The following TXK variants were observed in gnomAD, a reference collection of about 807,000 sequenced individuals.
TXK encodes the protein tyrosine-protein kinase TXK.
TXK carries 60 observed loss-of-function variants against 81.0 expected under a neutral mutation model. That is an observed-to-expected ratio of 0.74 (90% confidence interval 0.60 to 0.92). The LOEUF is 0.92. Ranked by LOEUF, TXK falls within the 40% of genes least tolerant of loss-of-function variation. The pLI, the probability that TXK is intolerant of heterozygous loss-of-function variation, is 0.00. For synonymous variants in TXK, 203 were observed against 210.7 expected (o/e 0.96, Z 0.32); for missense variants, 581 against 638.3 (o/e 0.91, Z 0.97).
chr4:48,085,963 G>A (rs560940510), intron 10 of TXK, among the ~76,000 whole-genome samples: 3 of 152,322 alleles, frequency 2.0e-5, no homozygotes, highest in South Asian at 4.1e-4. Flanking sequence ...GCAAAAGGCT[G>A]TCACCCTGAC....
chr4:48,100,023 TTA>T (rs1346935496), intron 6 of TXK, among the ~76,000 whole-genome samples: 1 of 151,054 alleles, frequency 6.6e-6, no homozygotes, highest in Non-Finnish European at 1.5e-5. Flanking sequence ...ATACAAAAAA[TTA>T]GCCGGGCGCA....
chr4:48,096,004 T>C (rs1370988468), intron 6 of TXK, among the ~76,000 whole-genome samples: 5 of 152,214 alleles, frequency 3.3e-5, no homozygotes, highest in South Asian at 4.1e-4. Flanking sequence ...GTCAAACCCA[T>C]AGAAGCTTAC....
chr4:48,127,158 A>C (rs1031811794), intron 1 of TXK, among the ~76,000 whole-genome samples: 28 of 152,224 alleles, frequency 1.8e-4, no homozygotes, highest in African/African-American at 6.3e-4. Flanking sequence ...TCCTCTGCCC[A>C]GCAGAGTTGC....
chr4:48,074,493 T>C (rs979197338), intron 12 of TXK, among the ~76,000 whole-genome samples: 1 of 152,190 alleles, frequency 6.6e-6, no homozygotes, highest in Non-Finnish European at 1.5e-5. Flanking sequence ...GTGCATGTTT[T>C]TTTGTGGGGC....
intron 13 of TXK, among the ~76,000 whole-genome samples, chr4:48,072,219 G>A (rs1383855745): frequency 6.6e-6 from 1 of 152,144 alleles, no homozygotes; most frequent in Non-Finnish European, 1.5e-5. Context: ...GGCCAGGCTG[G>A]TCTCGAGCTC....
intron 7 of TXK, among the ~76,000 whole-genome samples, chr4:48,094,773 G>C (rs982272570): frequency 1.3e-5 from 2 of 152,082 alleles, no homozygotes; most frequent in Non-Finnish European, 1.5e-5. Context: ...CTTAGCCACG[G>C]GGCGCACAAG....
At chr4:48,121,248 T>C (rs1718953312) in intron 1 of TXK, among the ~76,000 whole-genome samples, 2 of 152,226 alleles carry the variant, frequency 1.3e-5, no homozygotes, top group African/African-American at 4.8e-5. Context: ...CACTTGGATG[T>C]CTAGTAGATA....
chr4:48,112,292 A>G lies in TXK; in HGVS notation c.380+15T>C. The stretch of plus-strand genomic sequence containing the variant: ...GGAAGAATTGGATACTGACTAAGTC[A>G]TGTAAGTGTCTTACCCCAAACGGTC... On this transcript the variant is annotated intron_variant, in intron 4 of 14. Coordinates refer to ENST00000264316, the MANE Select transcript of TXK (RefSeq NM_003328.3). 1 of 1,611,710 alleles carries G rather than the reference A, an allele frequency of 6.2e-7. No individual in the cohort carries two copies. Among genetic ancestry groups the G allele is most frequent in the Non-Finnish European group, 8.5e-7 (1 of 1,177,822 alleles).
At position 48,133,127 on chromosome 4, in the gene TXK, G is replaced by A. The variant is rs114705738; in HGVS notation, c.16+1028C>T. On this transcript the variant is annotated intron_variant, in intron 1 of 14. Transcript: ENST00000264316. ...TATAAAGGAACTGGTATAGACCATG[G>A]CCCATAGTAGGTGCTCAATAAATAC... Among the ~76,000 whole-genome samples the A allele has an allele frequency of 1.5e-3, 228 of 152,218 alleles. 1 individual carries two copies. The highest frequency in any genetic ancestry group is 5.3e-3 in the African/African-American group (222 of 41,532).
At chr4:48,118,719 T>C (rs1303782590) in intron 1 of TXK, among the ~76,000 whole-genome samples, 1 of 152,196 alleles carries the variant, frequency 6.6e-6, no homozygotes, top group Non-Finnish European at 1.5e-5. Context: ...GCCCTCTCTT[T>C]GCCCTTTATC....
chr4:48,085,212 A>T (rs1349316856), intron 10 of TXK, among the ~76,000 whole-genome samples: 1 of 152,210 alleles, frequency 6.6e-6, no homozygotes, highest in East Asian at 1.9e-4. Flanking sequence ...CCGGGAAATC[A>T]CAGAAGAGTT....
chr4:48,091,007 C>T (rs1241609837), intron 8 of TXK, among the ~76,000 whole-genome samples: 3 of 152,212 alleles, frequency 2.0e-5, no homozygotes, highest in Admixed American at 2.0e-4. Context: ...TAGGTAGATT[C>T]CCAAAGATTC....
At chr4:48,125,463 T>G (rs1166797616) in intron 1 of TXK, among the ~76,000 whole-genome samples, 1 of 152,164 alleles carries the variant, frequency 6.6e-6, no homozygotes, top group African/African-American at 2.4e-5. Context: ...AATCTTCAGC[T>G]CCAACTCCTC....
intron 1 of TXK, among the ~76,000 whole-genome samples, chr4:48,128,379 G>T (rs1452609957): frequency 6.6e-6 from 1 of 152,164 alleles, no homozygotes; most frequent in East Asian, 1.9e-4. Flanking sequence ...TGCTTTTGCA[G>T]TTGATGGGCT....
At chr4:48,090,904 A>T (rs1717740196) in intron 8 of TXK, among the ~76,000 whole-genome samples, 1 of 152,282 alleles carries the variant, frequency 6.6e-6, no homozygotes, top group South Asian at 2.1e-4. Context: ...ATGGAACAGC[A>T]TGTGTAAATG....
intron 5 of TXK, among the ~76,000 whole-genome samples, chr4:48,105,186 A>AT (rs1382501299): frequency 6.6e-6 from 1 of 152,204 alleles, no homozygotes; most frequent in East Asian, 1.9e-4. Context: ...TTCAGCTTCC[A>AT]ATATACACTT....
chr4:48,095,115 T>C (rs199794211), intron 7 of TXK, 28 bp downstream of exon 7: 1 of 1,542,094 alleles, frequency 6.5e-7, no homozygotes, highest in Non-Finnish European at 9.0e-7. Context: ...GGATTATTTC[T>C]ATAGTAACCA....
chr4:48,095,137 G>A lies in TXK; in HGVS notation c.581+6C>T, dbSNP rs1174704289. On this transcript the variant is annotated splice_donor_region_variant and intron_variant, in intron 7 of 14. Coordinates refer to ENST00000264316, the MANE Select transcript of TXK (RefSeq NM_003328.3). ...TTCTATAGTAACCAAAATCACAAGT[G>A]CTTACCTTCTAGCTCCCATAAATAC... is the stretch of plus-strand genomic sequence containing the variant. 6.2e-7 allele frequency: 1 copy of A among 1,606,662 alleles called. No individual in the cohort carries two copies.
In TXK at chr4:48,096,273, C is replaced by T. The variant is rs565221097; in HGVS notation, c.502-1051G>A. ...GGGTACTGTTACATACCACAGAGGA[C>T]ACAAGATGTAAAAGACAAAGATGAA... On this transcript the variant is annotated intron_variant, in intron 6 of 14. Coordinates refer to ENST00000264316, the MANE Select transcript of TXK (RefSeq NM_003328.3). 2.0e-5 allele frequency among the ~76,000 whole-genome samples: 3 copies of T among 152,188 alleles called. No individual in the cohort carries two copies. In the South Asian group the frequency reaches 6.2e-4, roughly 32 times the overall value.
Sources: allele counts gnomAD v4.1 joint callset (sites outside exome capture counted in the v4.1 genomes callset), GRCh38; gene constraint gnomAD v4.1.1; transcripts MANE v1.5; gene names NCBI Gene and HGNC (gene_info 2026-07-23, HGNC 2026-07-21).